The following NMT1 variants were observed in gnomAD, a reference collection of about 807,000 sequenced individuals.
NMT1 encodes the protein glycylpeptide N-tetradecanoyltransferase 1.
In NMT1, 12 loss-of-function variants were observed where a neutral mutation model predicts 63.4. The ratio of observed to expected loss-of-function variants is 0.19; its 90% CI spans 0.12 to 0.31. The LOEUF (loss-of-function observed/expected upper bound fraction) is 0.31. Among genes scored for constraint, NMT1 ranks in the 10% least tolerant of loss-of-function variants. The pLI, the probability that NMT1 is intolerant of heterozygous loss-of-function variation, is 1.00. For missense variants in NMT1, 432 were observed against 634.6 expected (o/e 0.68, Z 3.43); for synonymous variants, 228 against 234.3 (o/e 0.97, Z 0.25).
intron 1 of NMT1, among the ~76,000 whole-genome samples, chr17:45,079,831 C>T (rs904005532): frequency 2.0e-5 from 3 of 152,180 alleles, no homozygotes; most frequent in African/African-American, 7.2e-5. Context: ...TCCCAAGTAG[C>T]TGGGACTATA....
At chr17:45,081,534 G>A (rs916661) in intron 1 of NMT1, 110 bp from the exon 2 acceptor site, 189,419 of 952,388 alleles carry the variant, frequency 0.2, 20,624 homozygotes, top group Non-Finnish European at 0.23. Flanking sequence ...TGCTTCTGAA[G>A]CCAACAGGCT....
chr17:45,063,433 A>G (rs1251599749), intron 1 of NMT1, among the ~76,000 whole-genome samples: 3 of 151,922 alleles, frequency 2.0e-5, no homozygotes, highest in African/African-American at 7.2e-5. Flanking sequence ...TCTGAATCAC[A>G]GATGAGAGTT....
At chr17:45,089,869 C>T (rs1201138880) in intron 3 of NMT1, among the ~76,000 whole-genome samples, 1 of 151,880 alleles carries the variant, frequency 6.6e-6, no homozygotes, top group African/African-American at 2.4e-5. Context: ...AACTCCTAGG[C>T]TCAAGCTGTC....
At chr17:45,084,696 G>A (rs1214529075) in intron 2 of NMT1, among the ~76,000 whole-genome samples, 1 of 150,870 alleles carries the variant, frequency 6.6e-6, no homozygotes, top group African/African-American at 2.4e-5. Context: ...TTGAACTCCT[G>A]GGCTTAAGCA....
At chr17:45,061,635 G>T in intron 1 of NMT1, 175 bp downstream of exon 1, 1 of 590,074 alleles carries the variant, frequency 1.7e-6, no homozygotes, top group Non-Finnish European at 3.0e-6. Flanking sequence ...AAGGGTGGGT[G>T]CTCTGGATAT....
chr17:45,081,599 CAG>C (rs1429665551), intron 1 of NMT1, 43 bp from the exon 2 acceptor site: 1 of 1,545,502 alleles, frequency 6.5e-7, no homozygotes, highest in Non-Finnish European at 8.9e-7. Context: ...TAGCACAAAA[CAG>C]ATTTTTTTTA....
Position 45,105,872 on chromosome 17 carries a change from C to T in NMT1, c.*233C>T, listed in dbSNP as rs1462186783. ...CTCCGTGTTTTCCAGTTAATTACAT[C>T]CTCATGCAGCCGTGATCAAGGGAAT... On this transcript the variant is annotated 3_prime_UTR_variant, in exon 12 of 12. Transcript: ENST00000258960. This position sits in a 1 kb window ranked among gnomAD's most constrained non-coding sequence, Gnocchi z 4.2. The T allele has an allele frequency of 1.9e-6, 1 of 524,790 alleles. No homozygotes were observed. The highest frequency in any genetic ancestry group is 2.0e-5 in the African/African-American group (1 of 50,622). 32.5% of individuals were successfully genotyped at this position (524,790 alleles called of 1,614,324 possible). A position where few individuals can be genotyped will look rare whatever the true frequency, so the allele number is the denominator to read the frequency against.
At position 45,107,270 on chromosome 17, in the gene NMT1, G is replaced by A. The variant is rs183449664; in HGVS notation, c.*1631G>A. On this transcript the variant is annotated 3_prime_UTR_variant, in exon 12 of 12. Coordinates refer to ENST00000258960, the MANE Select transcript of NMT1 (RefSeq NM_021079.5). The stretch of plus-strand genomic sequence containing the variant: ...CAAAACCAGAAGACATCGTATGCTT[G>A]GGATGGGGGCCGTGCCACCCGTGGG... 4.6e-5 allele frequency: 7 copies of A among 152,544 alleles called. No individual in the cohort carries two copies. Among genetic ancestry groups the A allele is most frequent in the Non-Finnish European group, 5.9e-5 (4 of 68,032 alleles). The allele number at this position is 152,544 out of a possible 1,614,324, so 9.4% of individuals were successfully genotyped here.
chr17:45,094,575 CA>C (rs1309454754), intron 4 of NMT1, among the ~76,000 whole-genome samples: 1 of 148,718 alleles, frequency 6.7e-6, no homozygotes, highest in Non-Finnish European at 1.5e-5. Context: ...AGTGCAGTGA[CA>C]CCATCTCAGT....
chr17:45,100,349 G>A (rs2054153519), intron 8 of NMT1, among the ~76,000 whole-genome samples: 2 of 151,788 alleles, frequency 1.3e-5, no homozygotes, highest in Admixed American at 6.6e-5. Context: ...GGCAGATCAC[G>A]AGATCAGGAG....
chr17:45,081,060 G>A (rs1415152751), intron 1 of NMT1, among the ~76,000 whole-genome samples: 2 of 152,194 alleles, frequency 1.3e-5, no homozygotes, highest in South Asian at 2.1e-4. Flanking sequence ...GAGCTACCAC[G>A]CCTGGCTGAT....
rs2269745 is a variant in NMT1 at position 45,103,957 on chromosome 17, A to G, written c.1332+81A>G. On this transcript the variant is annotated intron_variant, in intron 10 of 11. Transcript: ENST00000258960. The surrounding 1 kb of genome is among the most constrained non-coding windows in gnomAD (Gnocchi z 4.8). ...ATGGTGAGCACAGCTCCCGGGACGC[A>G]GCCTCCCATGGGCTGGAGGCTCTGA... is the stretch of plus-strand genomic sequence containing the variant. 0.13 allele frequency: 203,291 copies of G among 1,602,120 alleles called. 13,555 individuals are homozygous for G. The highest frequency in any genetic ancestry group is 0.17 in the Middle Eastern group (1,040 of 6,060).
chr17:45,089,128 G>T (rs2054072536), intron 3 of NMT1, among the ~76,000 whole-genome samples: 1 of 152,234 alleles, frequency 6.6e-6, no homozygotes, highest in South Asian at 2.1e-4. Context: ...AGGCGTGTTA[G>T]CCTGCATGGC....
rs2054179001 is a variant in NMT1, at chr17:45,103,133, A to T, written c.1164+12A>T. The T allele has an allele frequency of 1.2e-6, 2 of 1,602,080 alleles. No individual in the cohort carries two copies. On this transcript the variant is annotated intron_variant, in intron 9 of 11. Transcript: ENST00000258960. This position sits in a 1 kb window ranked among gnomAD's most constrained non-coding sequence, Gnocchi z 4.8. Reference sequence around the variant, plus strand: ...CTTTCGTGGTGGAGGTGAGTCAGGGAGTGGTGTTCCAGGTCTCTAACACGT... The same window carrying T: ...CTTTCGTGGTGGAGGTGAGTCAGGGTGTGGTGTTCCAGGTCTCTAACACGT...
In NMT1 at chr17:45,105,514, C is replaced by A; in HGVS notation, c.1471-105C>A. 1 of 1,249,678 alleles carries A rather than the reference C, an allele frequency of 8.0e-7. No homozygotes were observed. The highest frequency in any genetic ancestry group is 1.2e-6 in the Non-Finnish European group (1 of 854,878). 77.4% of individuals were successfully genotyped at this position (1,249,678 alleles called of 1,614,324 possible). On this transcript the variant is annotated intron_variant, in intron 11 of 11. Transcript: ENST00000258960. The surrounding 1 kb of genome is among the most constrained non-coding windows in gnomAD (Gnocchi z 4.2). ...TGTGAGTCTGCTCCCACAGCACAGG[C>A]GGTGGACCCGGGCCCAGCCACTCGG...
chr17:45,085,036 C>T (rs754654330), intron 2 of NMT1, among the ~76,000 whole-genome samples: 9 of 151,692 alleles, frequency 5.9e-5, no homozygotes, highest in Non-Finnish European at 8.8e-5. Context: ...TCGCTTGAGC[C>T]CAGGAGTTCG....
In NMT1 at chr17:45,103,954, C is replaced by T. The variant is rs531041521; in HGVS notation, c.1332+78C>T. On this transcript the variant is annotated intron_variant, in intron 10 of 11. Coordinates refer to ENST00000258960, the MANE Select transcript of NMT1 (RefSeq NM_021079.5). This position sits in a 1 kb window ranked among gnomAD's most constrained non-coding sequence, Gnocchi z 4.8. ...GCCATGGTGAGCACAGCTCCCGGGA[C>T]GCAGCCTCCCATGGGCTGGAGGCTC... 161 of 1,602,890 alleles carry T rather than the reference C, an allele frequency of 1.0e-4. No homozygotes were observed. The highest frequency in any genetic ancestry group is 1.8e-4 in the Admixed American group (11 of 60,000).
At chr17:45,063,391 A>G (rs1294908238) in intron 1 of NMT1, among the ~76,000 whole-genome samples, 3 of 152,176 alleles carry the variant, frequency 2.0e-5, no homozygotes, top group Non-Finnish European at 4.4e-5. Context: ...AGGAACAGGA[A>G]GAAGGGAAAG....
intron 4 of NMT1, 113 bp from the exon 5 acceptor site, chr17:45,096,081 C>T (rs1009135437): frequency 1.3e-5 from 10 of 755,944 alleles, no homozygotes; most frequent in African/African-American, 7.0e-5. Context: ...TGAGACTCCA[C>T]GTCGTTTTTG....
Sources: gnomAD v4.1 joint callset for allele counts (sites outside exome capture counted in the v4.1 genomes callset) on GRCh38, gnomAD v4.1.1 for gene constraint, Gnocchi (gnomAD v3.1) non-coding constraint, MANE v1.5 for transcripts, NCBI Gene and HGNC (gene_info 2026-07-23, HGNC 2026-07-21) for gene names.